Variants in HIPK3 observed in about 807,000 individuals in gnomAD.
HIPK3 encodes homeodomain interacting protein kinase 3.
In HIPK3, 47 loss-of-function variants were observed where a neutral mutation model predicts 124.2. That is an observed-to-expected ratio of 0.38 (90% CI 0.30 to 0.48). HIPK3 has a LOEUF of 0.48. HIPK3 is among the 20% of genes least tolerant of loss of function. The pLI, the probability that HIPK3 is intolerant of heterozygous loss-of-function variation, is 0.98. For missense variants in HIPK3, 1,286 were observed against 1,454.3 expected (o/e 0.88, Z 1.88); for synonymous variants, 482 against 515.2 (o/e 0.94, Z 0.87).
intron 3 of HIPK3, chr11:33,335,657 G>A (rs1469411750): frequency 1.3e-5 from 2 of 151,266 alleles, no homozygotes; most frequent in Non-Finnish European, 2.9e-5. Context: ...TTTTTTTTTA[G>A]GATAGAAGAT....
At chr11:33,282,528 A>G (rs1323454841) in intron 1 of HIPK3, among the ~76,000 whole-genome samples, 1 of 152,158 alleles carries the variant, frequency 6.6e-6, no homozygotes, top group Non-Finnish European at 1.5e-5. Flanking sequence ...CTAAAAATAC[A>G]AAACATTAGC....
chr11:33,257,957 CG>C (rs1850711209), intron 1 of HIPK3, 68 bp downstream of exon 1: 13 of 982,922 alleles, frequency 1.3e-5, no homozygotes, highest in Non-Finnish European at 1.6e-5. Context: ...GCGGGCTCCG[CG>C]GCCAGCGGAC....
At chr11:33,313,079 C>T (rs559747946) in intron 2 of HIPK3, among the ~76,000 whole-genome samples, 21 of 152,024 alleles carry the variant, frequency 1.4e-4, no homozygotes, top group Non-Finnish European at 2.4e-4. Context: ...TTCTAATAAG[C>T]GCTTTGAAAA....
At chr11:33,324,670 A>G (rs2133962914) in intron 2 of HIPK3, among the ~76,000 whole-genome samples, 1 of 152,356 alleles carries the variant, frequency 6.6e-6, no homozygotes, top group Non-Finnish European at 1.5e-5. Context: ...GACCAGGCAC[A>G]GTGTGGGGCA....
rs529088885 is a variant in HIPK3 at position 33,354,147 on chromosome 11, A to C, written c.*579A>C. 1 of 153,446 alleles carries C rather than the reference A, an allele frequency of 6.5e-6. No homozygotes were observed. The highest frequency in any genetic ancestry group is 1.5e-5 in the Non-Finnish European group (1 of 68,644). 9.5% of individuals were successfully genotyped at this position (153,446 alleles called of 1,614,324 possible). A position where few individuals can be genotyped will look rare whatever the true frequency, so the allele number is the denominator to read the frequency against. ...TTAAATATTTGAGGTTGTTAATGTT[A>C]TTACCTATATATAAATGTTGAGGAC... On this transcript the variant is annotated 3_prime_UTR_variant, in exon 17 of 17. Coordinates refer to ENST00000303296, the MANE Select transcript of HIPK3 (RefSeq NM_005734.5).
At chr11:33,299,031 G>C (rs1220391941) in intron 2 of HIPK3, among the ~76,000 whole-genome samples, 3 of 151,788 alleles carry the variant, frequency 2.0e-5, no homozygotes, top group African/African-American at 7.3e-5. Context: ...ATTTTTAGTA[G>C]AGACTGGGTT....
intron 1 of HIPK3, among the ~76,000 whole-genome samples, chr11:33,270,667 G>T (rs1179294338): frequency 1.3e-5 from 2 of 152,072 alleles, no homozygotes; most frequent in Admixed American, 6.5e-5. Flanking sequence ...AATAATAGTT[G>T]ATTAGAGTCT....
chr11:33,329,741 T>C (rs1438127365), intron 3 of HIPK3, among the ~76,000 whole-genome samples: 1 of 152,228 alleles, frequency 6.6e-6, no homozygotes, highest in Non-Finnish European at 1.5e-5. Flanking sequence ...TCTTTCAGCT[T>C]TCTACCCAAT....
At chr11:33,307,359 C>T (rs549278188) in intron 2 of HIPK3, among the ~76,000 whole-genome samples, 3 of 151,484 alleles carry the variant, frequency 2.0e-5, no homozygotes, top group Admixed American at 6.6e-5. Context: ...TAACCACTAC[C>T]CAAGTCAAGT....
intron 4 of HIPK3, 76 bp downstream of exon 4, chr11:33,337,270 T>C (rs1264251569): frequency 1.3e-6 from 1 of 747,966 alleles, no homozygotes; most frequent in South Asian, 3.3e-5. Context: ...ATACCTTCCA[T>C]GTCTATTTAC....
At chr11:33,265,344 G>A (rs1042822464) in intron 1 of HIPK3, among the ~76,000 whole-genome samples, 1 of 152,036 alleles carries the variant, frequency 6.6e-6, no homozygotes, top group African/African-American at 2.4e-5. Flanking sequence ...GAATAATATT[G>A]GGTTCAAAAA....
At chr11:33,314,982 G>A (rs568121011) in intron 2 of HIPK3, among the ~76,000 whole-genome samples, 27 of 152,148 alleles carry the variant, frequency 1.8e-4, no homozygotes, top group South Asian at 6.2e-4. Flanking sequence ...TAAGATATTC[G>A]AAAAGATTGT....
rs1370838511 is a variant in HIPK3 at position 33,277,795 on chromosome 11, C to T, written c.-2-8618C>T. ...ACCCTTGTATAACAGTTCCTGTTGC[C>T]CTATTCTTCAACAGTGGATGTTGTC... On this transcript the variant is annotated intron_variant, in intron 1 of 16. Transcript: ENST00000303296. Among the ~76,000 whole-genome samples the T allele has an allele frequency of 3.9e-5, 6 of 152,232 alleles. No homozygotes were observed. In the East Asian group the frequency reaches 7.7e-4, roughly 20 times the overall value.
chr11:33,264,690 A>C (rs1036661244), intron 1 of HIPK3, among the ~76,000 whole-genome samples: 1 of 152,208 alleles, frequency 6.6e-6, no homozygotes, highest in African/African-American at 2.4e-5. Context: ...TGCTAAAAAC[A>C]AAAAATGTTT....
At position 33,286,580 on chromosome 11, in the gene HIPK3, C is replaced by T; in HGVS notation, c.166C>T (p.Pro56Ser). The T allele has an allele frequency of 6.2e-7, 1 of 1,613,946 alleles. No homozygotes were observed. The highest frequency in any genetic ancestry group is 2.2e-5 in the East Asian group (1 of 44,894). ...NGRNFGNSHP[P>S]TKGSAFQTKI... ...TAGAAACTTTGGAAATTCTCATCCTCCCACTAAGGGTAGTGCTTTTCAGAC... is the reference window on the plus strand; with the variant it reads ...TAGAAACTTTGGAAATTCTCATCCTTCCACTAAGGGTAGTGCTTTTCAGAC... The change falls in exon 2 of 17, where the codon CCC (proline) becomes TCC (serine). Residue 56 changes from proline to serine, a missense_variant. Physicochemically the swap from Pro to Ser is moderately conservative, Grantham distance 74. This residue lies in a region of HIPK3 where 225 missense variants were observed against 240.3 expected (regional missense o/e 0.94). Transcript: ENST00000303296.
chr11:33,338,611 C>A, intron 4 of HIPK3, 146 bp from the exon 5 acceptor site: 1 of 441,452 alleles, frequency 2.3e-6, no homozygotes, highest in Non-Finnish European at 4.0e-6. Context: ...TTTTTTTTTG[C>A]GTATACTTTA....
intron 1 of HIPK3, among the ~76,000 whole-genome samples, chr11:33,267,165 C>T (rs934554980): frequency 2.0e-5 from 3 of 152,012 alleles, no homozygotes; most frequent in Non-Finnish European, 4.4e-5. Context: ...CTCTGTCCCC[C>T]AGGCTAGAGT....
At chr11:33,339,684 G>A in intron 6 of HIPK3, 150 bp downstream of exon 6, 1 of 553,430 alleles carries the variant, frequency 1.8e-6, no homozygotes. Flanking sequence ...ACATACACCA[G>A]TAAGTGTCAG....
At chr11:33,303,291 T>C (rs1424540963) in intron 2 of HIPK3, among the ~76,000 whole-genome samples, 1 of 152,210 alleles carries the variant, frequency 6.6e-6, no homozygotes, top group Non-Finnish European at 1.5e-5. Context: ...TAAACAGTTA[T>C]TATACTGTAT....
Sources: allele counts gnomAD v4.1 joint callset (sites outside exome capture counted in the v4.1 genomes callset), GRCh38; gene constraint gnomAD v4.1.1; regional missense constraint gnomAD v4.1.1; transcripts MANE v1.5; gene names NCBI Gene and HGNC (gene_info 2026-07-23, HGNC 2026-07-21).